RAD51B: variants seen among roughly 807,000 people sequenced by gnomAD.
The protein encoded by RAD51B is RAD51 paralog B.
A neutral mutation model predicts 42.2 loss-of-function variants in RAD51B; 38 were observed. The ratio of observed to expected loss-of-function variants is 0.90; its 90% CI spans 0.70 to 1.18. RAD51B has a LOEUF of 1.18. Among genes scored for constraint, RAD51B ranks in the 50% most tolerant of loss-of-function variants. The pLI is 0.00. For synonymous variants in RAD51B, 154 were observed against 145.2 expected, an observed-to-expected ratio of 1.06 and a Z score of -0.43; for missense variants, 373 against 400.7, an observed-to-expected ratio of 0.93 and a Z score of 0.59.
chr14:68,510,366 G>C (rs1050523078), intron 10 of RAD51B, among the ~76,000 whole-genome samples: 1 of 152,212 alleles, frequency 6.6e-6, no homozygotes, highest in African/African-American at 2.4e-5. Flanking sequence ...AGGGAAGGGA[G>C]GTAGAGTAGG....
intron 7 of RAD51B, among the ~76,000 whole-genome samples, chr14:67,946,673 T>C (rs2045406377): frequency 6.6e-6 from 1 of 152,154 alleles, no homozygotes; most frequent in Non-Finnish European, 1.5e-5. Flanking sequence ...GCCAAAAGAG[T>C]TCTTTTAGAG....
intron 7 of RAD51B, among the ~76,000 whole-genome samples, chr14:68,061,228 C>G (rs2076563950): frequency 6.6e-6 from 1 of 151,808 alleles, no homozygotes; most frequent in Admixed American, 6.6e-5. Context: ...GCGCCACACC[C>G]AGCTAATTTT....
chr14:68,134,603 A>G (rs1029433449), intron 7 of RAD51B, among the ~76,000 whole-genome samples: 15 of 152,146 alleles, frequency 9.9e-5, no homozygotes, highest in African/African-American at 3.6e-4. Flanking sequence ...GTTATCATTA[A>G]TTTTTAAATG....
intron 10 of RAD51B, among the ~76,000 whole-genome samples, chr14:68,647,673 A>C (rs1323429635): frequency 3.3e-5 from 5 of 152,106 alleles, no homozygotes; most frequent in African/African-American, 7.2e-5. Flanking sequence ...CTTGAAGTAC[A>C]TTTTAAAGCC....
intron 3 of RAD51B, among the ~76,000 whole-genome samples, chr14:67,826,235 T>C (rs1464607310): frequency 6.6e-6 from 1 of 152,232 alleles, no homozygotes; most frequent in African/African-American, 2.4e-5. Flanking sequence ...CTTTCTTTGA[T>C]ATACTGACCT....
chr14:68,617,073 A>G (rs1198169914), intron 10 of RAD51B, among the ~76,000 whole-genome samples: 1 of 150,886 alleles, frequency 6.6e-6, no homozygotes, highest in African/African-American at 2.4e-5. Context: ...GTTTCTATTA[A>G]TTGCCTTTTT....
intron 7 of RAD51B, among the ~76,000 whole-genome samples, chr14:67,959,211 G>T (rs1437036158): frequency 6.6e-6 from 1 of 151,516 alleles, no homozygotes; most frequent in East Asian, 1.9e-4. Flanking sequence ...TGAATTTTTA[G>T]AATGTTTGTG....
At chr14:67,885,093 A>G (rs911853028) in intron 5 of RAD51B, among the ~76,000 whole-genome samples, 9 of 152,210 alleles carry the variant, frequency 5.9e-5, no homozygotes, top group African/African-American at 2.2e-4. Flanking sequence ...ATGTCATTTC[A>G]TTTAAAATGA....
chr14:68,124,096 T>G (rs989259032), intron 7 of RAD51B, among the ~76,000 whole-genome samples: 1 of 152,166 alleles, frequency 6.6e-6, no homozygotes, highest in African/African-American at 2.4e-5. Flanking sequence ...TTCCCCCATT[T>G]TTTAAAAAAA....
intron 7 of RAD51B, among the ~76,000 whole-genome samples, chr14:68,168,310 C>T (rs1406958563): frequency 1.3e-5 from 2 of 152,080 alleles, no homozygotes; most frequent in Non-Finnish European, 1.5e-5. Context: ...GTTCTGCAAA[C>T]GTCTTTTATG....
intron 8 of RAD51B, among the ~76,000 whole-genome samples, chr14:68,316,863 C>T (rs1327197062): frequency 6.6e-6 from 1 of 151,918 alleles, no homozygotes; most frequent in South Asian, 2.1e-4. Flanking sequence ...TAAAATTCAC[C>T]CATTGTAAGT....
intron 9 of RAD51B, among the ~76,000 whole-genome samples, chr14:68,450,925 TG>T (rs2085543364): frequency 6.6e-6 from 1 of 152,194 alleles, no homozygotes; most frequent in Non-Finnish European, 1.5e-5. Context: ...TTAGCATGAC[TG>T]TGGGGGCTCA....
chr14:68,351,597 A>G (rs1396284346), intron 8 of RAD51B, among the ~76,000 whole-genome samples: 2 of 152,166 alleles, frequency 1.3e-5, no homozygotes, highest in African/African-American at 2.4e-5. Flanking sequence ...AGTGGAACAT[A>G]CTTTACAAGC....
chr14:68,258,821 G>C (rs2080814996), intron 7 of RAD51B, among the ~76,000 whole-genome samples: 1 of 152,052 alleles, frequency 6.6e-6, no homozygotes, highest in Admixed American at 6.5e-5. Context: ...TGGTCTTAAG[G>C]AATAAACACC....
At chr14:68,432,686 A>G (rs987615588) in intron 9 of RAD51B, among the ~76,000 whole-genome samples, 4 of 152,108 alleles carry the variant, frequency 2.6e-5, no homozygotes, top group South Asian at 2.1e-4. Flanking sequence ...GCACACTGAT[A>G]GGTCTTGACT....
chr14:68,053,690 G>A (rs1445749678), intron 7 of RAD51B, among the ~76,000 whole-genome samples: 2 of 152,306 alleles, frequency 1.3e-5, no homozygotes, highest in East Asian at 3.9e-4. Context: ...TGGTCAAGAA[G>A]AACCTTTTAG....
chr14:68,368,599 G>T (rs1273699448), intron 8 of RAD51B, among the ~76,000 whole-genome samples: 1 of 152,192 alleles, frequency 6.6e-6, no homozygotes, highest in Non-Finnish European at 1.5e-5. Context: ...TGCTGTAATG[G>T]AGTTGCTCAG....
rs2043419660 is a variant in RAD51B, at chr14:67,896,418, G to A, written c.756+9214G>A. Among the ~76,000 whole-genome samples the A allele has an allele frequency of 2.6e-5, 4 of 152,314 alleles. No homozygotes were observed. In the South Asian group the frequency reaches 8.3e-4, roughly 32 times the overall value. ...TAGTATGATGCATGAACTTCTGTGA[G>A]ACATCAACCAAGATTTTATACGAAG... On this transcript the variant is annotated intron_variant, in intron 7 of 10. Transcript: ENST00000471583.
intron 7 of RAD51B, among the ~76,000 whole-genome samples, chr14:68,140,228 G>A (rs2078098871): frequency 6.6e-6 from 1 of 152,148 alleles, no homozygotes; most frequent in South Asian, 2.1e-4. Flanking sequence ...ACCAAACACT[G>A]AAGGAAGAAA....
Sources: allele counts gnomAD v4.1 joint callset (sites outside exome capture counted in the v4.1 genomes callset), GRCh38; gene constraint gnomAD v4.1.1; transcripts MANE v1.5; gene names NCBI Gene and HGNC (gene_info 2026-07-23, HGNC 2026-07-21).